AGBL4: variants seen among roughly 807,000 people sequenced by gnomAD.
The protein encoded by AGBL4 is AGBL carboxypeptidase 4.
A neutral mutation model predicts 66.4 loss-of-function variants in AGBL4; 58 were observed. That is an observed-to-expected ratio of 0.87 (90% CI 0.71 to 1.09). AGBL4 has a LOEUF of 1.09. Among genes scored for constraint, AGBL4 ranks in the 50% least tolerant of loss-of-function variants. AGBL4 has a pLI of 0.00. For synonymous variants in AGBL4, 234 were observed against 222.9 expected (o/e 1.05, Z -0.44); for missense variants, 579 against 631.0 (o/e 0.92, Z 0.88).
chr1:48,809,499 T>C (rs1428325341), intron 6 of AGBL4, among the ~76,000 whole-genome samples: 1 of 152,136 alleles, frequency 6.6e-6, no homozygotes, highest in African/African-American at 2.4e-5. Context: ...AGCAACATGG[T>C]AGACATCATG....
intron 1 of AGBL4, among the ~76,000 whole-genome samples, chr1:49,938,061 G>A (rs1313705986): frequency 6.7e-6 from 1 of 149,684 alleles, no homozygotes; most frequent in Non-Finnish European, 1.5e-5. Flanking sequence ...CCAGGAGCTG[G>A]TTTTTTGAAA....
intron 1 of AGBL4, among the ~76,000 whole-genome samples, chr1:49,874,050 C>G (rs951441437): frequency 6.6e-6 from 1 of 152,014 alleles, no homozygotes; most frequent in Non-Finnish European, 1.5e-5. Flanking sequence ...TGGATCAGAA[C>G]AGAGAGTCCA....
At chr1:48,876,762 T>A (rs535739790) in intron 5 of AGBL4, among the ~76,000 whole-genome samples, 1 of 152,310 alleles carries the variant, frequency 6.6e-6, no homozygotes, top group East Asian at 1.9e-4. Context: ...CTGATAGGGC[T>A]TTGAGAAGTT....
chr1:48,831,508 C>G (rs918739501), intron 6 of AGBL4, among the ~76,000 whole-genome samples: 1 of 152,216 alleles, frequency 6.6e-6, no homozygotes, highest in African/African-American at 2.4e-5. Context: ...TGTCTCTGGG[C>G]TCCCTTTATA....
intron 3 of AGBL4, among the ~76,000 whole-genome samples, chr1:49,393,714 G>C (rs1281256413): frequency 1.3e-5 from 2 of 152,190 alleles, no homozygotes; most frequent in South Asian, 4.1e-4. Context: ...AGAGTATTTT[G>C]ATAGGGAATT....
At chr1:49,204,078 T>C (rs1570054047) in intron 4 of AGBL4, among the ~76,000 whole-genome samples, 1 of 152,132 alleles carries the variant, frequency 6.6e-6, no homozygotes, top group East Asian at 1.9e-4. Flanking sequence ...CAGGTAGGAA[T>C]ATAGAAGCCA....
At chr1:49,251,642 T>G (rs907239007) in intron 3 of AGBL4, among the ~76,000 whole-genome samples, 3 of 152,188 alleles carry the variant, frequency 2.0e-5, no homozygotes, top group Non-Finnish European at 1.5e-5. Context: ...GTCACTGTAG[T>G]GAATGCCTGC....
intron 3 of AGBL4, among the ~76,000 whole-genome samples, chr1:49,607,658 T>C (rs1273931023): frequency 6.6e-6 from 1 of 152,152 alleles, no homozygotes; most frequent in Non-Finnish European, 1.5e-5. Flanking sequence ...ATTTTCAGTG[T>C]GTCTTTAGTC....
chr1:49,947,827 T>A (rs550762666), intron 1 of AGBL4, among the ~76,000 whole-genome samples: 1 of 147,842 alleles, frequency 6.8e-6, no homozygotes, highest in Admixed American at 7.0e-5. Context: ...CTAGAACTGA[T>A]AAAAGACTTC....
At chr1:49,019,912 G>A (rs1312881252) in intron 5 of AGBL4, among the ~76,000 whole-genome samples, 1 of 152,154 alleles carries the variant, frequency 6.6e-6, no homozygotes, top group Non-Finnish European at 1.5e-5. Flanking sequence ...ACAGAGTAAG[G>A]GCGCACGCTT....
intron 3 of AGBL4, among the ~76,000 whole-genome samples, chr1:49,470,881 C>T (rs141014308): frequency 1.3e-3 from 198 of 152,118 alleles, no homozygotes; most frequent in African/African-American, 4.5e-3. Context: ...GCTGTACCTG[C>T]GGCTTCAATA....
At chr1:49,247,860 G>C (rs942325737) in intron 3 of AGBL4, among the ~76,000 whole-genome samples, 2 of 151,976 alleles carry the variant, frequency 1.3e-5, no homozygotes, top group African/African-American at 4.8e-5. Flanking sequence ...ATTTTAGCCC[G>C]ATTTTAGATG....
At chr1:49,979,428 T>C (rs1261655682) in intron 1 of AGBL4, among the ~76,000 whole-genome samples, 1 of 149,116 alleles carries the variant, frequency 6.7e-6, no homozygotes, top group South Asian at 2.1e-4. Flanking sequence ...GCCACTGCAG[T>C]CCGCAGTCCG....
Position 49,154,141 on chromosome 1 carries a change from T to C in AGBL4, c.377+91629A>G, listed in dbSNP as rs184094152. Among the ~76,000 whole-genome samples, 255 of 152,218 alleles carry C rather than the reference T, an allele frequency of 1.7e-3. 2 individuals are homozygous for C. The highest frequency in any genetic ancestry group is 5.6e-3 in the African/African-American group (234 of 41,502). On this transcript the variant is annotated intron_variant, in intron 4 of 13. Transcript: ENST00000371839. Reference sequence around the variant, plus strand: ...GAAGCACAGGCTTTCTGCTGTAGAATGCCAGAGGCAAGAACAATTAACGTT... The same window carrying C: ...GAAGCACAGGCTTTCTGCTGTAGAACGCCAGAGGCAAGAACAATTAACGTT...
chr1:49,113,245 C>T lies in AGBL4; in HGVS notation c.378-67445G>A, dbSNP rs183053504. Among the ~76,000 whole-genome samples, 223 of 152,034 alleles carry T rather than the reference C, an allele frequency of 1.5e-3. 1 individual carries two copies. The highest frequency in any genetic ancestry group is 0.014 in the Middle Eastern group (4 of 292). ...GATTACAGGCATGAGCCACCGCACC[C>T]GGCCTTAAATTTTTTTTGACAAGGA... On this transcript the variant is annotated intron_variant, in intron 4 of 13. Transcript: ENST00000371839.
intron 3 of AGBL4, among the ~76,000 whole-genome samples, chr1:49,308,556 A>T (rs1644889817): frequency 6.6e-6 from 1 of 152,106 alleles, no homozygotes; most frequent in South Asian, 2.1e-4. Flanking sequence ...GTCACATGGC[A>T]AATATAGAAT....
Position 49,595,943 on chromosome 1 carries a change from T to C in AGBL4, c.282+101370A>G, listed in dbSNP as rs532240517. 3.3e-4 allele frequency among the ~76,000 whole-genome samples: 50 copies of C among 152,238 alleles called. 1 individual carries two copies. In the South Asian group the frequency reaches 9.3e-3, roughly 28 times the overall value. On this transcript the variant is annotated intron_variant, in intron 3 of 13. Transcript: ENST00000371839. ...TTCCAATTTCCCAGATAGACAGCCCTTTAATGCAGGCTCTCCCAAGATCTC... is the reference window on the plus strand; with the variant it reads ...TTCCAATTTCCCAGATAGACAGCCCCTTAATGCAGGCTCTCCCAAGATCTC...
At chr1:49,888,375 G>GT (rs1265330016) in intron 1 of AGBL4, among the ~76,000 whole-genome samples, 1 of 152,002 alleles carries the variant, frequency 6.6e-6, no homozygotes, top group African/African-American at 2.4e-5. Context: ...TCCATTTCAG[G>GT]TATCACATTT....
chr1:49,452,228 C>T (rs1646293191), intron 3 of AGBL4, among the ~76,000 whole-genome samples: 1 of 151,888 alleles, frequency 6.6e-6, no homozygotes, highest in Non-Finnish European at 1.5e-5. Flanking sequence ...TCCTCCATCC[C>T]AGCTAACACC....
Sources: allele counts gnomAD v4.1 joint callset (sites outside exome capture counted in the v4.1 genomes callset), GRCh38; gene constraint gnomAD v4.1.1; transcripts MANE v1.5; gene names NCBI Gene and HGNC (gene_info 2026-07-23, HGNC 2026-07-21).